The following MICU2 variants were observed in gnomAD, a reference collection of about 807,000 sequenced individuals.
The protein encoded by MICU2 is mitochondrial calcium uptake 2, also known as calcium uptake protein 2, mitochondrial.
In MICU2, 64 loss-of-function variants were observed where a neutral mutation model predicts 60.4. That is an observed-to-expected ratio of 1.06 (90% confidence interval 0.87 to 1.31). MICU2 has a LOEUF of 1.31. Ranked by LOEUF, MICU2 falls within the 50% of genes most tolerant of loss-of-function variation. MICU2 has a pLI of 0.00. For synonymous variants in MICU2, 201 were observed against 175.0 expected (o/e 1.15, Z -1.17); for missense variants, 569 against 531.0 (o/e 1.07, Z -0.70).
intron 1 of MICU2, among the ~76,000 whole-genome samples, chr13:21,596,745 G>GCTTACTC (rs1888702931): frequency 6.6e-6 from 1 of 152,108 alleles, no homozygotes; most frequent in African/African-American, 2.4e-5. Flanking sequence ...TTCTCATAGG[G>GCTTACTC]CTTACTCTCT....
chr13:21,556,639 T>C (rs1017969770), intron 2 of MICU2, among the ~76,000 whole-genome samples: 2 of 152,110 alleles, frequency 1.3e-5, no homozygotes, highest in African/African-American at 4.8e-5. Flanking sequence ...GAATCAGCCT[T>C]AGCAGGGCAA....
At chr13:21,529,396 G>C (rs1263612859) in intron 4 of MICU2, among the ~76,000 whole-genome samples, 1 of 152,204 alleles carries the variant, frequency 6.6e-6, no homozygotes, top group Admixed American at 6.5e-5. Context: ...CAGGTGTCTG[G>C]CAGCTAGTTT....
intron 8 of MICU2, among the ~76,000 whole-genome samples, chr13:21,505,934 C>T (rs1170109067): frequency 1.3e-5 from 2 of 152,066 alleles, no homozygotes; most frequent in Non-Finnish European, 2.9e-5. Flanking sequence ...AGAAAGACGC[C>T]ATGCACCATG....
chr13:21,519,835 T>C lies in MICU2; in HGVS notation c.597+1410A>G, dbSNP rs187197588. 1.4e-4 allele frequency among the ~76,000 whole-genome samples: 22 copies of C among 152,322 alleles called. No homozygotes were observed. In the East Asian group the frequency reaches 4.0e-3, roughly 28 times the overall value. ...AAAGAGCAGGGGCTCTAGAACAAGA[T>C]GGATTTGGAATCAATTTGTATACAG... On this transcript the variant is annotated intron_variant, in intron 6 of 11. Coordinates refer to ENST00000382374, the MANE Select transcript of MICU2 (RefSeq NM_152726.3).
chr13:21,515,352 G>A (rs1886545113), intron 6 of MICU2, among the ~76,000 whole-genome samples: 1 of 152,210 alleles, frequency 6.6e-6, no homozygotes, highest in African/African-American at 2.4e-5. Flanking sequence ...AAAGTGCTGG[G>A]ATTATAGGCT....
intron 2 of MICU2, among the ~76,000 whole-genome samples, chr13:21,553,734 C>A (rs1887631149): frequency 6.6e-6 from 1 of 152,176 alleles, no homozygotes; most frequent in African/African-American, 2.4e-5. Flanking sequence ...AAGGCACAGA[C>A]TGACAAATTG....
At chr13:21,537,451 C>T (rs1281229169) in intron 4 of MICU2, among the ~76,000 whole-genome samples, 1 of 145,226 alleles carries the variant, frequency 6.9e-6, no homozygotes, top group South Asian at 2.3e-4. Context: ...CCTACTATAT[C>T]CAACATTTTC....
chr13:21,601,086 AG>A (rs1362235537), intron 1 of MICU2, among the ~76,000 whole-genome samples: 1 of 151,872 alleles, frequency 6.6e-6, no homozygotes, highest in Non-Finnish European at 1.5e-5. Flanking sequence ...GTGAGCCACC[AG>A]GCCCGGCCGG....
chr13:21,524,040 C>G (rs1301639008), intron 4 of MICU2, among the ~76,000 whole-genome samples: 4 of 152,138 alleles, frequency 2.6e-5, no homozygotes, highest in Non-Finnish European at 5.9e-5. Flanking sequence ...CTTGCTTGCT[C>G]AAGTACATTG....
intron 1 of MICU2, among the ~76,000 whole-genome samples, chr13:21,578,243 T>C (rs1011965987): frequency 1.3e-5 from 2 of 152,208 alleles, no homozygotes; most frequent in Non-Finnish European, 2.9e-5. Flanking sequence ...GTAACATTCA[T>C]GGGTTTTTAT....
At chr13:21,603,881 A>T in intron 1 of MICU2, 58 bp downstream of exon 1, 5 of 1,580,590 alleles carry the variant, frequency 3.2e-6, no homozygotes, top group Non-Finnish European at 4.3e-6. Context: ...TCCCCGCCTA[A>T]GGGCGTCAGG....
chr13:21,529,544 T>C (rs1209480617), intron 4 of MICU2, among the ~76,000 whole-genome samples: 1 of 152,166 alleles, frequency 6.6e-6, no homozygotes, highest in African/African-American at 2.4e-5. Flanking sequence ...TTCTATGAAG[T>C]GCCAATGTTT....
intron 2 of MICU2, among the ~76,000 whole-genome samples, chr13:21,548,921 GT>G (rs34908034): frequency 0.062 from 5,383 of 86,402 alleles, 58 homozygotes; most frequent in African/African-American, 0.082. Context: ...AAGTTTGAGA[GT>G]TTTTTTTTTT....
chr13:21,597,737 C>T (rs536524400), intron 1 of MICU2, among the ~76,000 whole-genome samples: 5 of 151,910 alleles, frequency 3.3e-5, no homozygotes, highest in African/African-American at 1.2e-4. Flanking sequence ...TGAGACCATC[C>T]TGGCTAACAC....
intron 2 of MICU2, among the ~76,000 whole-genome samples, chr13:21,555,532 T>C (rs981126717): frequency 1.3e-5 from 2 of 152,202 alleles, no homozygotes; most frequent in African/African-American, 2.4e-5. Flanking sequence ...AAAATAATAA[T>C]AGCTATCTAT....
chr13:21,511,412 A>G (rs969828934), intron 7 of MICU2, among the ~76,000 whole-genome samples: 1 of 152,190 alleles, frequency 6.6e-6, no homozygotes, highest in East Asian at 1.9e-4. Flanking sequence ...AAAGGCACAA[A>G]AACCCAGTCT....
Position 21,565,201 on chromosome 13 carries a change from G to A in MICU2, c.358+1596C>T, listed in dbSNP as rs541851922. ...TGGGTAAATATCTTTAAGGTTGCTAGTATACACAAACTTCCCTGCAAAAAA... is the reference window on the plus strand; with the variant it reads ...TGGGTAAATATCTTTAAGGTTGCTAATATACACAAACTTCCCTGCAAAAAA... On this transcript the variant is annotated intron_variant, in intron 2 of 11. Transcript: ENST00000382374. Among the ~76,000 whole-genome samples, 267 of 152,314 alleles carry A rather than the reference G, an allele frequency of 1.8e-3. 1 individual carries two copies. Among genetic ancestry groups the A allele is most frequent in the African/African-American group, 6.1e-3 (254 of 41,560 alleles).
chr13:21,594,022 T>C (rs1566172053), intron 1 of MICU2, among the ~76,000 whole-genome samples: 1 of 152,030 alleles, frequency 6.6e-6, no homozygotes, highest in Admixed American at 6.6e-5. Context: ...AAAGCCAAAA[T>C]TGACAAATGG....
chr13:21,602,589 T>C (rs184430251), intron 1 of MICU2, among the ~76,000 whole-genome samples: 3 of 152,104 alleles, frequency 2.0e-5, no homozygotes, highest in Admixed American at 2.0e-4. Context: ...GAGAAACTAA[T>C]GATGAATACA....
Sources: allele counts gnomAD v4.1 joint callset (sites outside exome capture counted in the v4.1 genomes callset), GRCh38; gene constraint gnomAD v4.1.1; transcripts MANE v1.5; gene names NCBI Gene and HGNC (gene_info 2026-07-23, HGNC 2026-07-21).